Variants in MAPKAP1 observed in about 807,000 individuals in gnomAD.
The protein encoded by MAPKAP1 is target of rapamycin complex 2 subunit MAPKAP1.
MAPKAP1 carries 20 observed loss-of-function variants against 65.7 expected under a neutral mutation model. The observed-to-expected ratio is 0.30, with a 90% confidence interval of 0.21 to 0.44. The LOEUF (loss-of-function observed/expected upper bound fraction) is 0.44. Ranked by LOEUF, MAPKAP1 falls within the 20% of genes least tolerant of loss-of-function variation. MAPKAP1 has a pLI of 1.00. For synonymous variants in MAPKAP1, 222 were observed against 244.3 expected, an observed-to-expected ratio of 0.91 and a Z score of 0.85; for missense variants, 423 against 648.0, an observed-to-expected ratio of 0.65 and a Z score of 3.77.
In MAPKAP1 at chr9:125,698,331, AT is replaced by A. The variant is rs1564622636; in HGVS notation, c.-70+8639del. Among the ~76,000 whole-genome samples the A allele has an allele frequency of 2.9e-3, 307 of 104,916 alleles. 4 individuals carry two copies. The highest frequency in any genetic ancestry group is 4.1e-3 in the Non-Finnish European group (216 of 52,452). 68.8% of individuals were successfully genotyped at this position (104,916 alleles called of 152,430 possible). ...TATATATATATATATATATATATATATATATAAAATATATATATTTTTTGAG... is the reference window on the plus strand; with the variant it reads ...TATATATATATATATATATATATATAATATAAAATATATATATTTTTTGAG... On this transcript the variant is annotated intron_variant, in intron 1 of 11. Coordinates refer to ENST00000265960, the MANE Select transcript of MAPKAP1 (RefSeq NM_001006617.3).
At chr9:125,474,559 G>A (rs1854036153) in intron 9 of MAPKAP1, among the ~76,000 whole-genome samples, 1 of 152,154 alleles carries the variant, frequency 6.6e-6, no homozygotes, top group South Asian at 2.1e-4. Context: ...TGGAGAGCTT[G>A]GGTTCAAGTC....
intron 7 of MAPKAP1, among the ~76,000 whole-genome samples, chr9:125,515,532 GC>G (rs1259099615): frequency 6.6e-6 from 1 of 152,126 alleles, no homozygotes; most frequent in Non-Finnish European, 1.5e-5. Flanking sequence ...TGAGAAGGTA[GC>G]CCCCTCTGAT....
At chr9:125,488,579 C>T (rs1009647298) in intron 8 of MAPKAP1, among the ~76,000 whole-genome samples, 1 of 152,194 alleles carries the variant, frequency 6.6e-6, no homozygotes, top group Non-Finnish European at 1.5e-5. Flanking sequence ...CTCCTGACCT[C>T]AGGTTATCCA....
intron 3 of MAPKAP1, among the ~76,000 whole-genome samples, chr9:125,662,648 A>C (rs1158662530): frequency 6.6e-6 from 1 of 152,156 alleles, no homozygotes; most frequent in Non-Finnish European, 1.5e-5. Flanking sequence ...GTGCCACTGC[A>C]CTCCAGCCTG....
chr9:125,473,911 A>AGAT (rs1854014472), intron 9 of MAPKAP1, among the ~76,000 whole-genome samples: 1 of 152,202 alleles, frequency 6.6e-6, no homozygotes. Context: ...TATAAAACGG[A>AGAT]GATGATAATA....
At chr9:125,482,282 C>G (rs1854350149) in intron 9 of MAPKAP1, among the ~76,000 whole-genome samples, 1 of 152,166 alleles carries the variant, frequency 6.6e-6, no homozygotes, top group South Asian at 2.1e-4. Flanking sequence ...TTTCCAGCTT[C>G]CCAGAAGCCC....
intron 10 of MAPKAP1, among the ~76,000 whole-genome samples, chr9:125,452,390 C>T (rs774381848): frequency 1.3e-5 from 2 of 152,096 alleles, no homozygotes; most frequent in African/African-American, 2.4e-5. Context: ...TGAGCCACTA[C>T]GCCTGGCCAG....
At chr9:125,505,848 G>C (rs544003040) in intron 8 of MAPKAP1, 1 of 178,024 alleles carries the variant, frequency 5.6e-6, no homozygotes, top group African/African-American at 2.4e-5. Flanking sequence ...ACTCTGAAGA[G>C]AGAATGAACA....
intron 10 of MAPKAP1, among the ~76,000 whole-genome samples, chr9:125,458,983 T>C (rs1318165511): frequency 3.5e-4 from 27 of 77,284 alleles, no homozygotes; most frequent in South Asian, 6.1e-4. Context: ...CCAGACGGGG[T>C]GGCTGCCGGG....
At chr9:125,675,036 T>C (rs1220279872) in intron 1 of MAPKAP1, among the ~76,000 whole-genome samples, 1 of 152,124 alleles carries the variant, frequency 6.6e-6, no homozygotes, top group African/African-American at 2.4e-5. Context: ...TCTATAACCA[T>C]AAAAAATGTA....
intron 8 of MAPKAP1, among the ~76,000 whole-genome samples, chr9:125,499,914 G>A (rs541322995): frequency 2.6e-5 from 4 of 152,238 alleles, no homozygotes; most frequent in African/African-American, 9.6e-5. Context: ...TTGAGCCAGG[G>A]AGGTCAAGGC....
chr9:125,568,683 G>A (rs1831136397), intron 5 of MAPKAP1: 1 of 152,368 alleles, frequency 6.6e-6, no homozygotes, highest in South Asian at 2.1e-4. Flanking sequence ...GCTAAGCAAA[G>A]TGGCTAATGT....
chr9:125,613,149 T>C (rs1448398485), intron 4 of MAPKAP1, among the ~76,000 whole-genome samples: 1 of 152,168 alleles, frequency 6.6e-6, no homozygotes, highest in Non-Finnish European at 1.5e-5. Context: ...TGTAGATCAT[T>C]ATACTAACCC....
At chr9:125,613,371 T>C (rs923154824) in intron 4 of MAPKAP1, among the ~76,000 whole-genome samples, 3 of 152,244 alleles carry the variant, frequency 2.0e-5, no homozygotes, top group African/African-American at 7.2e-5. Flanking sequence ...CCTGCAATTG[T>C]GCTGGCTGAC....
chr9:125,593,544 C>A (rs1589321506), intron 4 of MAPKAP1, among the ~76,000 whole-genome samples: 1 of 152,150 alleles, frequency 6.6e-6, no homozygotes, highest in East Asian at 1.9e-4. Context: ...CGCCTGTAGT[C>A]CCAGCTACTT....
intron 7 of MAPKAP1, among the ~76,000 whole-genome samples, chr9:125,539,655 C>T (rs1830182164): frequency 6.6e-6 from 1 of 152,154 alleles, no homozygotes; most frequent in Non-Finnish European, 1.5e-5. Flanking sequence ...TAAATAACAG[C>T]TTAGTATATT....
chr9:125,559,589 G>A lies in MAPKAP1; in HGVS notation c.848+44C>T, dbSNP rs191798605. 3.2e-6 allele frequency: 5 copies of A among 1,548,354 alleles called. No individual in the cohort carries two copies. In the South Asian group the frequency reaches 3.6e-5, roughly 11 times the overall value. On this transcript the variant is annotated intron_variant, in intron 6 of 11. Transcript: ENST00000265960. The stretch of plus-strand genomic sequence containing the variant: ...CAAAATCAGATCCAAAATGCTAGAA[G>A]GTTGGGATGAGATACCGAGAGAAGT...
chr9:125,439,071 C>T lies in MAPKAP1; in HGVS notation c.1444-59G>A. On this transcript the variant is annotated intron_variant, in intron 11 of 11. Coordinates refer to ENST00000265960, the MANE Select transcript of MAPKAP1 (RefSeq NM_001006617.3). This position sits in a 1 kb window ranked among gnomAD's most constrained non-coding sequence, Gnocchi z 4.0. Reference sequence around the variant, plus strand: ...CCAGCCGCTCCCTACCCACCCAGGGCATCGGAGGGGGTGGCAGGGAAGGCC... The same window carrying T: ...CCAGCCGCTCCCTACCCACCCAGGGTATCGGAGGGGGTGGCAGGGAAGGCC... 1 of 1,595,162 alleles carries T rather than the reference C, an allele frequency of 6.3e-7. No individual in the cohort carries two copies. Among genetic ancestry groups the T allele is most frequent in the South Asian group, 1.1e-5 (1 of 88,706 alleles).
intron 1 of MAPKAP1, among the ~76,000 whole-genome samples, chr9:125,683,456 G>T (rs1386752846): frequency 6.6e-6 from 1 of 152,188 alleles, no homozygotes; most frequent in Non-Finnish European, 1.5e-5. Context: ...CCTTGAAGAA[G>T]CAAACAGCTA....
Sources: gnomAD v4.1 joint callset for allele counts (sites outside exome capture counted in the v4.1 genomes callset) on GRCh38, gnomAD v4.1.1 for gene constraint, Gnocchi (gnomAD v3.1) non-coding constraint, MANE v1.5 for transcripts, NCBI Gene and HGNC (gene_info 2026-07-23, HGNC 2026-07-21) for gene names.